Variants in GNB5 observed in about 807,000 individuals in gnomAD.
GNB5 encodes the protein G protein subunit beta 5.
Under a neutral mutation model 55.3 loss-of-function variants are expected in GNB5, and 37 were observed. The ratio of observed to expected loss-of-function variants is 0.67; its 90% CI spans 0.51 to 0.88. The LOEUF (loss-of-function observed/expected upper bound fraction) is 0.88. Ranked by LOEUF, GNB5 falls within the 40% of genes least tolerant of loss-of-function variation. GNB5 has a pLI of 0.00. For synonymous variants in GNB5, 219 were observed against 198.5 expected (o/e 1.10, Z -0.87); for missense variants, 476 against 515.3 (o/e 0.92, Z 0.74).
At chr15:52,183,348 GC>G (rs1405276512) in intron 2 of GNB5, among the ~76,000 whole-genome samples, 3 of 148,662 alleles carry the variant, frequency 2.0e-5, no homozygotes, top group Non-Finnish European at 3.0e-5. Flanking sequence ...GGGGGGTAAG[GC>G]CCCCAGAAAG....
chr15:52,125,186 T>C (rs2033390368), intron 11 of GNB5: 1 of 152,634 alleles, frequency 6.6e-6, no homozygotes, highest in African/African-American at 2.4e-5. Flanking sequence ...TTTCTATTTT[T>C]CTTTCTTTTT....
At chr15:52,177,469 C>T (rs1401736739) in intron 3 of GNB5, among the ~76,000 whole-genome samples, 1 of 151,522 alleles carries the variant, frequency 6.6e-6, no homozygotes, top group African/African-American at 2.4e-5. Context: ...ACCAGCCTGG[C>T]CAACATGGTG....
intron 9 of GNB5, 41 bp downstream of exon 9, chr15:52,133,337 C>A (rs765205624): frequency 7.4e-7 from 1 of 1,345,640 alleles, no homozygotes; most frequent in Non-Finnish European, 1.1e-6. Context: ...CAGGCAATGC[C>A]GGCAGAACAG....
At chr15:52,180,359 G>C (rs1481411386) in intron 2 of GNB5, 1 of 152,648 alleles carries the variant, frequency 6.6e-6, no homozygotes, top group African/African-American at 2.4e-5. Context: ...CCTGCAGGCA[G>C]AGAGAGGACG....
At chr15:52,153,641 A>G (rs2034146178) in intron 4 of GNB5, among the ~76,000 whole-genome samples, 1 of 152,014 alleles carries the variant, frequency 6.6e-6, no homozygotes, top group Admixed American at 6.6e-5. Context: ...CTCAATTTGG[A>G]AAAAAAAGAA....
chr15:52,131,812 G>A (rs562955764), intron 9 of GNB5, among the ~76,000 whole-genome samples: 168 of 152,294 alleles, frequency 1.1e-3, no homozygotes, highest in Middle Eastern at 3.4e-3. Context: ...GGAGTTCTGA[G>A]TATAATGAAA....
chr15:52,181,539 C>T (rs1379821079), intron 2 of GNB5, among the ~76,000 whole-genome samples: 1 of 152,082 alleles, frequency 6.6e-6, no homozygotes, highest in Non-Finnish European at 1.5e-5. Context: ...TCGCTTGAAC[C>T]CTGGAATCAG....
intron 6 of GNB5, among the ~76,000 whole-genome samples, chr15:52,145,361 C>T (rs896478070): frequency 1.3e-5 from 2 of 151,736 alleles, no homozygotes; most frequent in East Asian, 1.9e-4. Context: ...AAATATGGGC[C>T]GGGTGCAGTG....
At position 52,167,860 on chromosome 15, in the gene GNB5, G is replaced by A. The variant is rs934956019; in HGVS notation, c.238+11908C>T. ...ACATTGGTTCAACATACACAAATCA[G>A]TAAATATAATTCATCATATAAAAAA... On this transcript the variant is annotated intron_variant, in intron 3 of 12. Coordinates refer to ENST00000261837, the MANE Select transcript of GNB5 (RefSeq NM_016194.4). Among the ~76,000 whole-genome samples the A allele has an allele frequency of 2.0e-5, 3 of 151,268 alleles. 1 individual carries two copies. The highest frequency in any genetic ancestry group is 4.4e-5 in the Non-Finnish European group (3 of 67,894).
intron 6 of GNB5, among the ~76,000 whole-genome samples, chr15:52,146,315 G>A (rs1380738285): frequency 6.6e-6 from 1 of 152,066 alleles, no homozygotes. Context: ...TATTTTGAAT[G>A]GTCTCAGAGT....
At chr15:52,181,727 C>T (rs1426554973) in intron 2 of GNB5, among the ~76,000 whole-genome samples, 2 of 152,136 alleles carry the variant, frequency 1.3e-5, no homozygotes, top group South Asian at 2.1e-4. Flanking sequence ...TTCTCTTTTC[C>T]GTTCCCATCC....
At chr15:52,133,578 T>C (rs780415584) in intron 8 of GNB5, 109 bp from the exon 9 acceptor site, 15 of 722,412 alleles carry the variant, frequency 2.1e-5, no homozygotes, top group African/African-American at 7.0e-5. Context: ...TAGCAAATGG[T>C]TGACAACACA....
intron 3 of GNB5, among the ~76,000 whole-genome samples, chr15:52,173,886 A>G (rs7166799): frequency 0.25 from 38,571 of 152,068 alleles, 5,450 homozygotes; most frequent in African/African-American, 0.35. Flanking sequence ...CCTGATCTAA[A>G]AGCTGTGTGA....
chr15:52,146,470 C>CT (rs1456049606), intron 6 of GNB5, among the ~76,000 whole-genome samples: 2 of 152,140 alleles, frequency 1.3e-5, no homozygotes, highest in Non-Finnish European at 2.9e-5. Flanking sequence ...GAGAATTTTC[C>CT]TTTTTAATGG....
intron 3 of GNB5, among the ~76,000 whole-genome samples, chr15:52,179,268 T>A (rs2034713349): frequency 6.6e-6 from 1 of 151,188 alleles, no homozygotes; most frequent in Non-Finnish European, 1.5e-5. Flanking sequence ...AGGGGAGAGG[T>A]TGGAAAAATG....
At chr15:52,147,833 G>A (rs975820386) in intron 5 of GNB5, among the ~76,000 whole-genome samples, 17 of 152,044 alleles carry the variant, frequency 1.1e-4, no homozygotes, top group African/African-American at 3.1e-4. Context: ...TCTGCTCACC[G>A]TGGCCTCCCA....
intron 3 of GNB5, among the ~76,000 whole-genome samples, chr15:52,178,230 G>T (rs1395963509): frequency 6.6e-6 from 1 of 152,178 alleles, no homozygotes; most frequent in Non-Finnish European, 1.5e-5. Flanking sequence ...GGGACCTTCG[G>T]TAAGTCCTTT....
chr15:52,182,506 G>A (rs1043852103), intron 2 of GNB5, among the ~76,000 whole-genome samples: 141 of 152,172 alleles, frequency 9.3e-4, no homozygotes, highest in Non-Finnish European at 8.7e-4. Flanking sequence ...CTAGAGATGA[G>A]GCCATCAGAC....
At chr15:52,137,998 C>T (rs1566936404) in intron 7 of GNB5, 4 of 1,259,858 alleles carry the variant, frequency 3.2e-6, no homozygotes, top group Non-Finnish European at 4.2e-6. Context: ...TGCAATGCAA[C>T]CACTGACCAC....
Sources: allele counts gnomAD v4.1 joint callset (sites outside exome capture counted in the v4.1 genomes callset), GRCh38; gene constraint gnomAD v4.1.1; transcripts MANE v1.5; gene names NCBI Gene and HGNC (gene_info 2026-07-23, HGNC 2026-07-21).